The following PDE1A variants were observed in gnomAD, a reference collection of about 807,000 sequenced individuals.
PDE1A encodes the protein phosphodiesterase 1A, also known as dual specificity calcium/calmodulin-dependent 3',5'-cyclic nucleotide phosphodiesterase 1A.
PDE1A carries 35 observed loss-of-function variants against 61.7 expected under a neutral mutation model. The observed-to-expected ratio is 0.57, with a 90% CI of 0.43 to 0.75. The LOEUF (loss-of-function observed/expected upper bound fraction) is 0.75. Among genes scored for constraint, PDE1A ranks in the 30% least tolerant of loss-of-function variants. PDE1A has a pLI of 0.00. For missense variants in PDE1A, 597 were observed against 630.6 expected (o/e 0.95, Z 0.57); for synonymous variants, 232 against 213.2 (o/e 1.09, Z -0.77).
chr2:182,350,038 C>T (rs1461224385), intron 1 of PDE1A, among the ~76,000 whole-genome samples: 1 of 152,060 alleles, frequency 6.6e-6, no homozygotes, highest in African/African-American at 2.4e-5. Context: ...CTGAAAGTTC[C>T]ATTTATTCCT....
In PDE1A at chr2:182,298,501, G is replaced by A. The variant is rs781111187; in HGVS notation, c.54-34087C>T. 1.2e-4 allele frequency among the ~76,000 whole-genome samples: 18 copies of A among 152,206 alleles called. No homozygotes were observed. The East Asian group carries it at 2.7e-3, about 23-fold the overall frequency. On this transcript the variant is annotated intron_variant, in intron 1 of 13. Coordinates refer to ENST00000351439, the Ensembl canonical transcript of PDE1A. ...ATGATATGTGGGATGGGGACAATGC[G>A]GGTGGATGCATTTGGTAAAACTGAG...
intron 2 of PDE1A, among the ~76,000 whole-genome samples, chr2:182,256,907 C>G (rs958579346): frequency 6.6e-6 from 1 of 152,118 alleles, no homozygotes; most frequent in Non-Finnish European, 1.5e-5. Context: ...GAAAAATAGT[C>G]TATACTAATT....
chr2:182,156,513 A>C (rs1559121221), intron 13 of PDE1A, among the ~76,000 whole-genome samples: 1 of 152,078 alleles, frequency 6.6e-6, no homozygotes, highest in Non-Finnish European at 1.5e-5. Flanking sequence ...GGGCGGGAGC[A>C]TTCCTAGTCA....
intron 1 of PDE1A, among the ~76,000 whole-genome samples, chr2:182,390,382 A>T (rs1167244584): frequency 6.6e-6 from 1 of 152,208 alleles, no homozygotes; most frequent in East Asian, 1.9e-4. Context: ...TGCATTTGAT[A>T]CTTCTGAATC....
At chr2:182,327,375 T>A (rs951257114) in intron 1 of PDE1A, among the ~76,000 whole-genome samples, 3 of 152,062 alleles carry the variant, frequency 2.0e-5, no homozygotes, top group African/African-American at 7.2e-5. Flanking sequence ...CAGAGAAAAA[T>A]TTATTTTCAG....
the PDE1A span, among the ~76,000 whole-genome samples, chr2:182,619,348 C>T: frequency 9.2e-5 from 14 of 152,112 alleles, no homozygotes; most frequent in East Asian, 2.5e-3. Context: ...CGCTATAGAT[C>T]CCTCAGAAGA....
chr2:182,531,143 A>G, the PDE1A span, among the ~76,000 whole-genome samples: 1 of 151,990 alleles, frequency 6.6e-6, no homozygotes, highest in Non-Finnish European at 1.5e-5. Context: ...ACTTAAAAAT[A>G]CAGATATAGA....
intron 2 of PDE1A, among the ~76,000 whole-genome samples, chr2:182,499,623 C>A (rs6747766): frequency 0.86 from 130,269 of 152,230 alleles, 55,876 homozygotes; most frequent in East Asian, 0.99. Context: ...ACTGAAAGGC[C>A]TCAGGCTCCT....
the PDE1A span, among the ~76,000 whole-genome samples, chr2:182,563,339 G>A: frequency 6.6e-6 from 1 of 152,142 alleles, no homozygotes; most frequent in Admixed American, 6.5e-5. Flanking sequence ...GGAGCAGGTT[G>A]TTCAGTTTCC....
intron 1 of PDE1A, among the ~76,000 whole-genome samples, chr2:182,343,035 C>T (rs1178772153): frequency 6.6e-6 from 1 of 152,150 alleles, no homozygotes; most frequent in Non-Finnish European, 1.5e-5. Context: ...ATAAATGCAA[C>T]TATAATTATG....
chr2:182,240,539 C>T (rs1341838323), intron 2 of PDE1A, among the ~76,000 whole-genome samples: 1 of 152,094 alleles, frequency 6.6e-6, no homozygotes, highest in Non-Finnish European at 1.5e-5. Flanking sequence ...CATTTCAGCA[C>T]AATGATACAC....
intron 2 of PDE1A, among the ~76,000 whole-genome samples, chr2:182,480,532 G>A (rs1574761332): frequency 6.6e-6 from 1 of 151,866 alleles, no homozygotes; most frequent in African/African-American, 2.4e-5. Context: ...AATTTCCACA[G>A]GGTTCCAAAT....
At chr2:182,211,939 G>A (rs998827335) in intron 7 of PDE1A, among the ~76,000 whole-genome samples, 1 of 152,010 alleles carries the variant, frequency 6.6e-6, no homozygotes, top group Non-Finnish European at 1.5e-5. Flanking sequence ...CATATCATCT[G>A]CAAACAAAGA....
intron 1 of PDE1A, among the ~76,000 whole-genome samples, chr2:182,276,416 A>C (rs566616174): frequency 1.3e-5 from 2 of 152,186 alleles, no homozygotes; most frequent in East Asian, 3.9e-4. Flanking sequence ...CTTCATCTCA[A>C]TCTCTGAACA....
chr2:182,445,966 G>A (rs191883795), intron 2 of PDE1A, among the ~76,000 whole-genome samples: 139 of 152,074 alleles, frequency 9.1e-4, no homozygotes, highest in Non-Finnish European at 1.5e-3. Context: ...ATAGAAATGA[G>A]GTAACATGCT....
the PDE1A span, among the ~76,000 whole-genome samples, chr2:182,564,425 CT>C: frequency 1.3e-5 from 2 of 152,332 alleles, no homozygotes; most frequent in South Asian, 2.1e-4. Context: ...GAGAGATCTG[CT>C]GTTAGTCTGA....
At chr2:182,564,195 G>A in the PDE1A span, among the ~76,000 whole-genome samples, 101 of 152,262 alleles carry the variant, frequency 6.6e-4, 1 homozygote, top group African/African-American at 2.1e-3. Context: ...GCTGGTACTG[G>A]TTGTTCCTTT....
At chr2:182,500,823 T>C (rs1422354986) in intron 2 of PDE1A, among the ~76,000 whole-genome samples, 3 of 152,202 alleles carry the variant, frequency 2.0e-5, no homozygotes, top group Non-Finnish European at 2.9e-5. Flanking sequence ...AAATTCTATA[T>C]ATAATGACAC....
chr2:182,377,638 G>T (rs1700488198), intron 1 of PDE1A, among the ~76,000 whole-genome samples: 1 of 152,114 alleles, frequency 6.6e-6, no homozygotes, highest in Admixed American at 6.5e-5. Flanking sequence ...TTTTCATAAA[G>T]CTAATTACAC....
Sources: allele counts gnomAD v4.1 joint callset (sites outside exome capture counted in the v4.1 genomes callset), GRCh38; gene constraint gnomAD v4.1.1; transcripts MANE v1.5; gene names NCBI Gene and HGNC (gene_info 2026-07-23, HGNC 2026-07-21).